CHST15: variants seen among roughly 807,000 people sequenced by gnomAD.
CHST15 encodes carbohydrate sulfotransferase 15, also known as B cell RAG associated protein (GALNAC4S-6ST).
A neutral mutation model predicts 53.6 loss-of-function variants in CHST15; 30 were observed. The observed-to-expected ratio is 0.56, with a 90% confidence interval of 0.42 to 0.76. The LOEUF (loss-of-function observed/expected upper bound fraction) is 0.76. CHST15 is among the 30% of genes least tolerant of loss of function. The probability of loss-of-function intolerance (pLI) is 0.00; values close to 1 mark genes in which losing one functional copy is unlikely to be tolerated. For missense variants in CHST15, 627 were observed against 740.5 expected (o/e 0.85, Z 1.78); for synonymous variants, 296 against 289.8 (o/e 1.02, Z -0.22).
chr10:124,045,761 C>T lies in CHST15; in HGVS notation c.452G>A (p.Ser151Asn). Reference sequence around the variant, plus strand: ...GATGCTGTTGATAATTAATTTAATGCTTGGATAGTCCTTCATGTATGAAAT... The same window carrying T: ...GATGCTGTTGATAATTAATTTAATGTTTGGATAGTCCTTCATGTATGAAAT... ...NNISYMKDYP[S>N]IKLIINSITT... Residue 151 changes from serine (S) to asparagine (N), a missense_variant, in exon 2 of 8, where the codon AGC becomes AAC. This residue lies in a region of CHST15 where 187 missense variants were observed against 251.8 expected (regional missense o/e 0.74). Coordinates refer to ENST00000435907, the MANE Select transcript of CHST15 (RefSeq NM_001270764.2). 6.2e-7 allele frequency: 1 copy of T among 1,614,152 alleles called. No homozygotes were observed.
At chr10:124,023,485 C>CT (rs1946870002) in intron 5 of CHST15, among the ~76,000 whole-genome samples, 1 of 135,176 alleles carries the variant, frequency 7.4e-6, no homozygotes, top group Non-Finnish European at 1.6e-5. Flanking sequence ...GAACCTCTCT[C>CT]AAAAAAAAAA....
chr10:124,022,612 C>G (rs1235244031), intron 5 of CHST15, among the ~76,000 whole-genome samples: 1 of 152,048 alleles, frequency 6.6e-6, no homozygotes, highest in East Asian at 1.9e-4. Context: ...CAGAATCCCC[C>G]ACCCTTGGTT....
intron 5 of CHST15, among the ~76,000 whole-genome samples, chr10:124,023,860 T>G (rs1946887795): frequency 6.9e-6 from 1 of 144,048 alleles, no homozygotes; most frequent in African/African-American, 2.6e-5. Flanking sequence ...TTTTTTTTTT[T>G]GAAGCGGAGT....
At chr10:124,029,538 C>T (rs1947140361) in intron 5 of CHST15, among the ~76,000 whole-genome samples, 1 of 152,226 alleles carries the variant, frequency 6.6e-6, no homozygotes, top group Non-Finnish European at 1.5e-5. Context: ...TAACTGTTCA[C>T]AGACTGGGAG....
chr10:124,081,056 T>C (rs1433222149), intron 1 of CHST15, among the ~76,000 whole-genome samples: 1 of 152,164 alleles, frequency 6.6e-6, no homozygotes, highest in Admixed American at 6.5e-5. Context: ...ATGGGGTCCT[T>C]CCCCAAGAGA....
At chr10:124,087,379 C>A (rs1026590776) in intron 1 of CHST15, among the ~76,000 whole-genome samples, 1 of 152,170 alleles carries the variant, frequency 6.6e-6, no homozygotes, top group South Asian at 2.1e-4. Context: ...CAAAAGGGTC[C>A]GGCAGGGGCG....
chr10:124,036,180 G>A lies in CHST15; in HGVS notation c.1190+2335C>T, dbSNP rs1384976278. ...GAGCAGCTATGCAAACACCTCCGGG[G>A]GCGGCGAGGGGTCAGCTCGAGGTGA... On this transcript the variant is annotated intron_variant, in intron 5 of 7. Coordinates refer to ENST00000435907, the MANE Select transcript of CHST15 (RefSeq NM_001270764.2). The surrounding 1 kb of genome is among the most constrained non-coding windows in gnomAD (Gnocchi z 5.1). 6.6e-6 allele frequency among the ~76,000 whole-genome samples: 1 copy of A among 152,242 alleles called. No homozygotes were observed. Among genetic ancestry groups the A allele is most frequent in the African/African-American group, 2.4e-5 (1 of 41,466 alleles).
intron 1 of CHST15, among the ~76,000 whole-genome samples, chr10:124,091,916 G>A (rs1217219879): frequency 1.3e-5 from 2 of 152,006 alleles, no homozygotes; most frequent in African/African-American, 2.4e-5. Context: ...CCGGCCCCGG[G>A]CGCAGGGCGG....
At chr10:124,076,034 G>A (rs796342700) in intron 1 of CHST15, among the ~76,000 whole-genome samples, 5 of 152,308 alleles carry the variant, frequency 3.3e-5, no homozygotes, top group African/African-American at 1.2e-4. Context: ...CCACTGGGAG[G>A]AGCAGAGCTC....
At chr10:124,092,852 T>C (rs1441151224) in intron 1 of CHST15, among the ~76,000 whole-genome samples, 2 of 152,122 alleles carry the variant, frequency 1.3e-5, no homozygotes, top group Non-Finnish European at 2.9e-5. Flanking sequence ...CGTCGGTCGG[T>C]CCCCCGCCTG....
intron 1 of CHST15, among the ~76,000 whole-genome samples, chr10:124,089,305 A>G (rs915998340): frequency 6.6e-6 from 1 of 152,222 alleles, no homozygotes; most frequent in African/African-American, 2.4e-5. Context: ...TTTTAAAAAC[A>G]GTCTCTGCTT....
intron 5 of CHST15, among the ~76,000 whole-genome samples, chr10:124,035,268 C>G (rs1564869468): frequency 6.7e-6 from 1 of 148,256 alleles, no homozygotes; most frequent in Non-Finnish European, 1.5e-5. Context: ...TGGCTCCACC[C>G]CTAACAGGGA....
chr10:124,088,006 G>A (rs1235583278), intron 1 of CHST15, among the ~76,000 whole-genome samples: 1 of 152,250 alleles, frequency 6.6e-6, no homozygotes, highest in African/African-American at 2.4e-5. Context: ...AAGGCTTGCA[G>A]GGGCTCCTGC....
At chr10:124,014,645 G>A (rs1275544441) in intron 6 of CHST15, among the ~76,000 whole-genome samples, 1 of 152,236 alleles carries the variant, frequency 6.6e-6, no homozygotes, top group Non-Finnish European at 1.5e-5. Flanking sequence ...TGTCTCCCTG[G>A]CAGGCTTGTA....
At chr10:124,053,211 C>T in intron 1 of CHST15, among the ~76,000 whole-genome samples, 1 of 152,202 alleles carries the variant, frequency 6.6e-6, no homozygotes, top group Admixed American at 6.5e-5. Flanking sequence ...CTTTGGAGGG[C>T]CTTCAGCTAC....
intron 7 of CHST15, chr10:124,010,668 G>A (rs1946385774): frequency 2.0e-6 from 2 of 985,456 alleles, no homozygotes; most frequent in Non-Finnish European, 2.4e-6. Flanking sequence ...CTCTCCATGG[G>A]TGTCAGCCCG....
Position 124,021,236 on chromosome 10 carries a change from C to CA in CHST15, c.1347+19_1347+20insT. The CA allele has an allele frequency of 7.8e-7, 1 of 1,286,772 alleles. No individual in the cohort carries two copies. Among genetic ancestry groups the CA allele is most frequent in the Non-Finnish European group, 1.1e-6 (1 of 950,102 alleles). The allele number at this position is 1,286,772 out of a possible 1,614,324, so 79.7% of individuals were successfully genotyped here. A position where few individuals can be genotyped will look rare whatever the true frequency, so the allele number is the denominator to read the frequency against. ...CTGCCAGGGGCCAGCTCGGGGGGTA[C>CA]GGGGGGGGGGGGTACACACAGGCAT... On this transcript the variant is annotated intron_variant, in intron 6 of 7. Coordinates refer to ENST00000435907, the MANE Select transcript of CHST15 (RefSeq NM_001270764.2).
At chr10:124,016,271 G>A (rs556243286) in intron 6 of CHST15, among the ~76,000 whole-genome samples, 1 of 152,190 alleles carries the variant, frequency 6.6e-6, no homozygotes, top group Non-Finnish European at 1.5e-5. Flanking sequence ...CCGGGGCCCA[G>A]GGTGCCTTAC....
At chr10:124,068,219 G>A (rs1948807850) in intron 1 of CHST15, among the ~76,000 whole-genome samples, 1 of 152,200 alleles carries the variant, frequency 6.6e-6, no homozygotes, top group East Asian at 1.9e-4. Flanking sequence ...CTCGGGAGCA[G>A]AGTGGCAGTT....
Sources: gnomAD v4.1 joint callset for allele counts (sites outside exome capture counted in the v4.1 genomes callset) on GRCh38, gnomAD v4.1.1 for gene constraint, gnomAD v4.1.1 regional missense constraint, Gnocchi (gnomAD v3.1) non-coding constraint, MANE v1.5 for transcripts, NCBI Gene and HGNC (gene_info 2026-07-23, HGNC 2026-07-21) for gene names.